FNDC3A: variants seen among roughly 807,000 people sequenced by gnomAD.
FNDC3A encodes fibronectin type-III domain-containing protein 3A.
In FNDC3A, 32 loss-of-function variants were observed where a neutral mutation model predicts 148.9. The ratio of observed to expected loss-of-function variants is 0.21; its 90% CI spans 0.16 to 0.29. The LOEUF is 0.29. Ranked by LOEUF, FNDC3A falls within the 10% of genes least tolerant of loss-of-function variation. The pLI, the probability that FNDC3A is intolerant of heterozygous loss-of-function variation, is 1.00. For synonymous variants in FNDC3A, 472 were observed against 473.6 expected, an observed-to-expected ratio of 1.00 and a Z score of 0.04; for missense variants, 1,191 against 1,452.8, an observed-to-expected ratio of 0.82 and a Z score of 2.93.
chr13:49,184,436 C>T (rs1031641425), intron 14 of FNDC3A, among the ~76,000 whole-genome samples: 3 of 152,022 alleles, frequency 2.0e-5, no homozygotes, highest in Admixed American at 2.0e-4. Flanking sequence ...TTAAAGTGGT[C>T]GTAGTTGTAG....
intron 19 of FNDC3A, among the ~76,000 whole-genome samples, chr13:49,193,832 A>G (rs1460999501): frequency 6.6e-6 from 1 of 152,018 alleles, no homozygotes; most frequent in Non-Finnish European, 1.5e-5. Context: ...AGGCAGGAAA[A>G]TCACTTGAAC....
At chr13:49,132,042 G>C (rs530938515) in intron 5 of FNDC3A, among the ~76,000 whole-genome samples, 2 of 152,134 alleles carry the variant, frequency 1.3e-5, no homozygotes, top group South Asian at 4.1e-4. Flanking sequence ...ATCTCAGTAG[G>C]TGGTCCACTA....
chr13:49,081,771 G>C (rs1878487179), intron 3 of FNDC3A, among the ~76,000 whole-genome samples: 1 of 152,044 alleles, frequency 6.6e-6, no homozygotes, highest in African/African-American at 2.4e-5. Flanking sequence ...CACTTATTCA[G>C]TATTCAGTGA....
intron 3 of FNDC3A, among the ~76,000 whole-genome samples, chr13:49,094,622 C>G (rs1443622258): frequency 6.6e-6 from 1 of 152,008 alleles, no homozygotes; most frequent in African/African-American, 2.4e-5. Context: ...GACTGTATCC[C>G]TGACTCCCAT....
intron 6 of FNDC3A, among the ~76,000 whole-genome samples, chr13:49,137,264 C>G (rs1882425818): frequency 6.6e-6 from 1 of 152,082 alleles, no homozygotes; most frequent in African/African-American, 2.4e-5. Flanking sequence ...AAGTTCTTTT[C>G]TCCTAAACTC....
intron 2 of FNDC3A, among the ~76,000 whole-genome samples, chr13:49,013,754 C>G (rs1392171813): frequency 9.0e-6 from 1 of 110,952 alleles, no homozygotes. Context: ...CCCCTCCCCC[C>G]ACCCCACAAC....
Position 49,022,287 on chromosome 13 carries a change from C to CT in FNDC3A, c.99+16003dup, listed in dbSNP as rs367583268. Among the ~76,000 whole-genome samples the CT allele has an allele frequency of 9.6e-4, 146 of 152,236 alleles. 1 individual carries two copies. The highest frequency in any genetic ancestry group is 3.4e-3 in the African/African-American group (140 of 41,546). On this transcript the variant is annotated intron_variant, in intron 2 of 25. Coordinates refer to ENST00000492622, the MANE Select transcript of FNDC3A (RefSeq NM_001079673.2). ...GGTAGTAGAGTAAAGGTGCTTCCCC[C>CT]TTTTTACATTACCTAAAACAAACCT...
At chr13:49,119,410 G>A (rs1400567813) in intron 4 of FNDC3A, among the ~76,000 whole-genome samples, 1 of 152,080 alleles carries the variant, frequency 6.6e-6, no homozygotes, top group African/African-American at 2.4e-5. Context: ...AGCACAAAAA[G>A]GCTGAAAATT....
intron 2 of FNDC3A, among the ~76,000 whole-genome samples, chr13:49,013,866 C>A (rs1952428163): frequency 6.6e-6 from 1 of 151,274 alleles, no homozygotes; most frequent in African/African-American, 2.4e-5. Context: ...TTTGTTCTTG[C>A]AGTAGTTTAC....
intron 2 of FNDC3A, among the ~76,000 whole-genome samples, chr13:49,046,973 C>T (rs561425902): frequency 2.0e-5 from 3 of 152,038 alleles, no homozygotes; most frequent in South Asian, 2.1e-4. Flanking sequence ...GTACACTGTA[C>T]CCAATGTGTA....
At position 49,141,659 on chromosome 13, in the gene FNDC3A, C is replaced by T. The variant is rs533087170; in HGVS notation, c.819+2854C>T. On this transcript the variant is annotated intron_variant, in intron 7 of 25. Transcript: ENST00000492622. ...TATATATGGCTTTGAACTCTTTTAA[C>T]AGTTTAGCTTCCTAGATATATACTT... 2.7e-3 allele frequency among the ~76,000 whole-genome samples: 413 copies of T among 152,202 alleles called. 2 individuals are homozygous for T. The highest frequency in any genetic ancestry group is 9.5e-3 in the African/African-American group (396 of 41,518).
chr13:49,097,743 A>G (rs375893118), intron 3 of FNDC3A, among the ~76,000 whole-genome samples: 176 of 152,200 alleles, frequency 1.2e-3, no homozygotes, highest in African/African-American at 4.1e-3. Context: ...CAGGGATAAT[A>G]TATTTCGAAA....
intron 1 of FNDC3A, among the ~76,000 whole-genome samples, chr13:48,995,180 G>T (rs995308696): frequency 6.6e-6 from 1 of 152,096 alleles, no homozygotes; most frequent in Non-Finnish European, 1.5e-5. Context: ...TTCTTAAAGT[G>T]CTGAGATTAC....
chr13:49,031,797 G>A (rs117275497), intron 2 of FNDC3A, among the ~76,000 whole-genome samples: 1,626 of 152,106 alleles, frequency 0.011, 10 homozygotes, highest in Non-Finnish European at 0.018. Context: ...CATCAAAATT[G>A]AATAATTTTG....
chr13:49,176,099 T>C (rs1885017177), intron 13 of FNDC3A, among the ~76,000 whole-genome samples: 1 of 152,218 alleles, frequency 6.6e-6, no homozygotes, highest in South Asian at 2.1e-4. Context: ...TGCCAGTATT[T>C]TATTGAGGAT....
intron 2 of FNDC3A, among the ~76,000 whole-genome samples, chr13:49,052,960 G>T (rs1032905977): frequency 6.6e-6 from 1 of 152,130 alleles, no homozygotes; most frequent in Admixed American, 6.5e-5. Flanking sequence ...GGGGTTTACA[G>T]CTGCCTCTAC....
At chr13:49,193,753 C>T (rs1886009675) in intron 19 of FNDC3A, among the ~76,000 whole-genome samples, 1 of 152,020 alleles carries the variant, frequency 6.6e-6, no homozygotes, top group Admixed American at 6.5e-5. Flanking sequence ...AACCCCTTCT[C>T]TGCTAAAAAT....
chr13:49,040,310 T>A (rs993214140), intron 2 of FNDC3A, among the ~76,000 whole-genome samples: 2 of 152,218 alleles, frequency 1.3e-5, no homozygotes, highest in African/African-American at 4.8e-5. Flanking sequence ...ACTGTTGGCA[T>A]ATATTCAGAC....
chr13:49,187,044 A>G (rs1411779600), intron 15 of FNDC3A, 78 bp from the exon 16 acceptor site: 1 of 1,016,942 alleles, frequency 9.8e-7, no homozygotes, highest in Admixed American at 2.3e-5. Flanking sequence ...CTAGTTTGGT[A>G]TTCTGTTTAT....
Sources: allele counts gnomAD v4.1 joint callset (sites outside exome capture counted in the v4.1 genomes callset), GRCh38; gene constraint gnomAD v4.1.1; transcripts MANE v1.5; gene names NCBI Gene and HGNC (gene_info 2026-07-23, HGNC 2026-07-21).